RSPO4: variants seen among roughly 807,000 people sequenced by gnomAD.
The protein encoded by RSPO4 is R-spondin 4, also known as R-spondin-4.
In RSPO4, 23 loss-of-function variants were observed where a neutral mutation model predicts 24.8. The observed-to-expected ratio is 0.93, with a 90% CI of 0.67 to 1.31. The LOEUF (loss-of-function observed/expected upper bound fraction) is 1.31, where lower values mean the gene tolerates loss of function less well. Ranked by LOEUF, RSPO4 falls within the 40% of genes most tolerant of loss-of-function variation. The pLI is 0.00. For missense variants in RSPO4, 333 were observed against 316.5 expected, an observed-to-expected ratio of 1.05 and a Z score of -0.39; for synonymous variants, 141 against 127.4, an observed-to-expected ratio of 1.11 and a Z score of -0.72.
intron 1 of RSPO4, among the ~76,000 whole-genome samples, chr20:994,442 A>AC (rs11480404): frequency 0.3 from 46,104 of 152,040 alleles, 12,763 homozygotes; most frequent in African/African-American, 0.73. Context: ...GAGAGGCTCC[A>AC]CTTGCCTAGG....
intron 3 of RSPO4, among the ~76,000 whole-genome samples, 179 bp from the exon 4 acceptor site, chr20:964,299 T>A (rs1486435307): frequency 6.6e-6 from 1 of 152,188 alleles, no homozygotes; most frequent in African/African-American, 2.4e-5. Flanking sequence ...AACGAATGCA[T>A]GCACAGACTA....
chr20:989,525 C>A (rs999137841), intron 1 of RSPO4, among the ~76,000 whole-genome samples: 2 of 152,040 alleles, frequency 1.3e-5, no homozygotes, highest in Non-Finnish European at 2.9e-5. Flanking sequence ...TGGTAGGATG[C>A]CAGTAGGGAG....
chr20:1,001,828 G>A (rs921056716), intron 1 of RSPO4, among the ~76,000 whole-genome samples: 1 of 152,070 alleles, frequency 6.6e-6, no homozygotes, highest in African/African-American at 2.4e-5. Flanking sequence ...CTGACCATGC[G>A]GCTACTACAG....
intron 1 of RSPO4, among the ~76,000 whole-genome samples, chr20:993,605 A>G (rs1275554126): frequency 1.3e-5 from 2 of 152,188 alleles, no homozygotes; most frequent in African/African-American, 2.4e-5. Flanking sequence ...TCATGGGGCT[A>G]TAATGTGGGT....
At chr20:985,364 C>G (rs1484858113) in intron 1 of RSPO4, among the ~76,000 whole-genome samples, 1 of 152,172 alleles carries the variant, frequency 6.6e-6, no homozygotes, top group South Asian at 2.1e-4. Flanking sequence ...ATCCATTCAG[C>G]AGATATTTCT....
chr20:1,001,124 C>T (rs1210123174), intron 1 of RSPO4, among the ~76,000 whole-genome samples: 1 of 152,236 alleles, frequency 6.6e-6, no homozygotes, highest in African/African-American at 2.4e-5. Flanking sequence ...TTTATTAAAA[C>T]TGGACGACCC....
At chr20:1,001,008 C>T (rs1467678139) in intron 1 of RSPO4, among the ~76,000 whole-genome samples, 1 of 152,212 alleles carries the variant, frequency 6.6e-6, no homozygotes, top group East Asian at 1.9e-4. Flanking sequence ...CATTTTCCTT[C>T]CCCTTTATCC....
At chr20:993,346 A>C (rs1985171803) in intron 1 of RSPO4, among the ~76,000 whole-genome samples, 1 of 152,228 alleles carries the variant, frequency 6.6e-6, no homozygotes, top group South Asian at 2.1e-4. Context: ...GGCGTCACCC[A>C]TCCGGAGATG....
intron 1 of RSPO4, among the ~76,000 whole-genome samples, chr20:993,810 T>A (rs1985187984): frequency 6.6e-6 from 1 of 152,190 alleles, no homozygotes; most frequent in Non-Finnish European, 1.5e-5. Flanking sequence ...CTCTTTTAAC[T>A]GCTTCCTCCT....
At chr20:985,824 G>A (rs1269278058) in intron 1 of RSPO4, among the ~76,000 whole-genome samples, 1 of 152,226 alleles carries the variant, frequency 6.6e-6, no homozygotes, top group Non-Finnish European at 1.5e-5. Flanking sequence ...CCAAGCCCAG[G>A]TGGGCTCATG....
rs768182696 is a variant in RSPO4 at position 960,389 on chromosome 20, C to G, written c.673G>C (p.Val225Leu). ...TGCAGGCCGGGCTGGCGCGGCCTCACGTCCAGCCTGCGGTCCAGCTTCCTG... is the reference window on the plus strand; with the variant it reads ...TGCAGGCCGGGCTGGCGCGGCCTCAGGTCCAGCCTGCGGTCCAGCTTCCTG... ...KDRKLDRRLDVRPRQPGLQP is the reference protein window; with the variant it reads ...KDRKLDRRLDLRPRQPGLQP The change falls in exon 5 of 5, where the codon GTG becomes CTG. Residue 225 changes from valine to leucine, a missense_variant. By Grantham distance (32) the Val-to-Leu change is conservative. Transcript: ENST00000217260. The G allele has an allele frequency of 2.3e-5, 35 of 1,538,308 alleles. No homozygotes were observed. The highest frequency in any genetic ancestry group is 3.0e-5 in the Non-Finnish European group (34 of 1,147,300).
chr20:998,597 C>T (rs1243368706), intron 1 of RSPO4, among the ~76,000 whole-genome samples: 2 of 152,176 alleles, frequency 1.3e-5, no homozygotes, highest in Non-Finnish European at 2.9e-5. Flanking sequence ...GATGCCAGCC[C>T]AGCACCTCAT....
At chr20:971,270 G>A (rs1196493502) in intron 1 of RSPO4, among the ~76,000 whole-genome samples, 3 of 152,222 alleles carry the variant, frequency 2.0e-5, no homozygotes, top group African/African-American at 7.2e-5. Context: ...TTCCACCCCT[G>A]GTACGTCTGA....
intron 3 of RSPO4, among the ~76,000 whole-genome samples, chr20:966,507 C>T (rs6086704): frequency 0.13 from 18,942 of 151,466 alleles, 1,209 homozygotes; most frequent in Middle Eastern, 0.19. Context: ...AGGTGGTTTG[C>T]TTAAGATCAC....
intron 1 of RSPO4, among the ~76,000 whole-genome samples, chr20:986,291 C>A (rs1984918557): frequency 6.6e-6 from 1 of 152,104 alleles, no homozygotes; most frequent in Admixed American, 6.5e-5. Flanking sequence ...GGTGATGGCC[C>A]CAGAGTTTTC....
chr20:999,184 A>C (rs550263703), intron 1 of RSPO4, among the ~76,000 whole-genome samples: 5 of 151,846 alleles, frequency 3.3e-5, no homozygotes, highest in African/African-American at 1.2e-4. Context: ...TTTTATAGAG[A>C]CAAAAAATGT....
At chr20:979,530 A>C (rs1243539354) in intron 1 of RSPO4, among the ~76,000 whole-genome samples, 1 of 152,126 alleles carries the variant, frequency 6.6e-6, no homozygotes, top group East Asian at 1.9e-4. Flanking sequence ...TGCTGCAGGA[A>C]GCATAGGCTA....
intron 1 of RSPO4, among the ~76,000 whole-genome samples, chr20:985,925 G>A (rs1463729212): frequency 6.6e-6 from 1 of 152,234 alleles, no homozygotes; most frequent in East Asian, 1.9e-4. Flanking sequence ...GTGTCCATTG[G>A]GAGTGAGTGG....
chr20:990,650 A>T (rs1257655856), intron 1 of RSPO4, among the ~76,000 whole-genome samples: 1 of 152,064 alleles, frequency 6.6e-6, no homozygotes, highest in African/African-American at 2.4e-5. Flanking sequence ...GAACTGGTTC[A>T]GCCAAAGCAG....
Sources: allele counts gnomAD v4.1 joint callset (sites outside exome capture counted in the v4.1 genomes callset), GRCh38; gene constraint gnomAD v4.1.1; transcripts MANE v1.5; gene names NCBI Gene and HGNC (gene_info 2026-07-23, HGNC 2026-07-21).